DBH: variants seen among roughly 807,000 people sequenced by gnomAD.
DBH encodes dopamine beta-hydroxylase (dopamine beta-monooxygenase).
DBH carries 49 observed loss-of-function variants against 64.0 expected under a neutral mutation model. The observed-to-expected ratio is 0.77, with a 90% confidence interval of 0.61 to 0.97. The LOEUF (loss-of-function observed/expected upper bound fraction) is 0.97. Ranked by LOEUF, DBH falls within the 50% of genes least tolerant of loss-of-function variation. The pLI is 0.00. For missense variants in DBH, 828 were observed against 826.6 expected (o/e 1.00, Z -0.02); for synonymous variants, 343 against 347.1 (o/e 0.99, Z 0.13).
chr9:133,656,719 G>T, intron 10 of DBH, 69 bp downstream of exon 10: 1 of 1,590,580 alleles, frequency 6.3e-7, no homozygotes, highest in Admixed American at 1.7e-5. Context: ...CCTGTTAGGC[G>T]GCTGGGCAGA....
intron 6 of DBH, among the ~76,000 whole-genome samples, chr9:133,650,930 A>G (rs1011282634): frequency 1.3e-5 from 2 of 152,246 alleles, no homozygotes; most frequent in Non-Finnish European, 2.9e-5. Context: ...CTCATGCCCC[A>G]GTGATGGCAT....
intron 6 of DBH, 135 bp downstream of exon 6, chr9:133,648,147 C>T (rs1201696593): frequency 1.0e-5 from 11 of 1,060,392 alleles, no homozygotes; most frequent in Non-Finnish European, 1.5e-5. Context: ...CTGCGGTCCT[C>T]CCTCTTTTCT....
In DBH at chr9:133,639,952, G is replaced by T. The variant is rs563040838; in HGVS notation, c.446G>T (p.Arg149Met). The part of the protein sequence containing the change: ...TPEGLTLLFK[R>M]PFGTCDPKDY... ...GAAGGCCTGACCCTGCTTTTCAAGAGGCCCTTTGGCACCTGCGACCCCAAG... is the reference window on the plus strand; with the variant it reads ...GAAGGCCTGACCCTGCTTTTCAAGATGCCCTTTGGCACCTGCGACCCCAAG... Residue 149 changes from arginine (R) to methionine (M), a missense_variant, in exon 2 of 12, where the codon AGG becomes ATG. By Grantham distance (91) the Arg-to-Met change is moderately conservative. Transcript: ENST00000393056. The T allele has an allele frequency of 1.9e-6, 3 of 1,613,930 alleles. No homozygotes were observed. The African/African-American group carries it at 4.0e-5, about 22-fold the overall frequency.
chr9:133,639,753 G>C, intron 1 of DBH, 93 bp from the exon 2 acceptor site: 1 of 1,386,648 alleles, frequency 7.2e-7, no homozygotes, highest in Non-Finnish European at 9.9e-7. Context: ...AGCTGGCAAT[G>C]AATGCGGAGC....
chr9:133,642,081 T>C (rs577913160), intron 2 of DBH, 126 bp from the exon 3 acceptor site: 2 of 1,348,556 alleles, frequency 1.5e-6, no homozygotes, highest in East Asian at 2.4e-5. Context: ...GGGTCCCTTA[T>C]TCACAGAGAT....
At position 133,656,799 on chromosome 9, in the gene DBH, G is replaced by A. The variant is rs1015555923; in HGVS notation, c.1562+149G>A. ...GCATCACTCACCCCTCCCCTCACTCGTTTCCTGCTGAGTCTGGATTTGGCT... is the reference window on the plus strand; with the variant it reads ...GCATCACTCACCCCTCCCCTCACTCATTTCCTGCTGAGTCTGGATTTGGCT... On this transcript the variant is annotated intron_variant, in intron 10 of 11. Transcript: ENST00000393056. 1.2e-5 allele frequency: 13 copies of A among 1,122,646 alleles called. No homozygotes were observed. The Admixed American group carries it at 1.6e-4, about 14-fold the overall frequency. The allele number at this position is 1,122,646 out of a possible 1,614,324, so 69.5% of individuals were successfully genotyped here.
Position 133,642,465 on chromosome 9 carries a change from G to A in DBH, c.744+1G>A, listed in dbSNP as rs1213690107. Reference sequence around the variant, plus strand: ...CTTCTCTCGGCACCACATTATCAAGGTACGTGCGGGTCCAGGGCCGAGGTC... The same window carrying A: ...CTTCTCTCGGCACCACATTATCAAGATACGTGCGGGTCCAGGGCCGAGGTC... On this transcript the variant is annotated splice_donor_variant, in intron 3 of 11. Coordinates refer to ENST00000393056, the MANE Select transcript of DBH (RefSeq NM_000787.4). LOFTEE classifies it high-confidence loss of function. 2 of 1,604,928 alleles carry A rather than the reference G, an allele frequency of 1.2e-6. No individual in the cohort carries two copies. The highest frequency in any genetic ancestry group is 1.7e-5 in the Admixed American group (1 of 58,598).
intron 2 of DBH, among the ~76,000 whole-genome samples, chr9:133,640,565 C>A (rs962472833): frequency 2.0e-5 from 3 of 152,258 alleles, no homozygotes; most frequent in Admixed American, 6.5e-5. Context: ...GCCCCCCAAC[C>A]TCTTAGGGAA....
chr9:133,653,420 C>CT (rs1471050593), intron 9 of DBH, among the ~76,000 whole-genome samples: 4 of 152,134 alleles, frequency 2.6e-5, no homozygotes, highest in Non-Finnish European at 5.9e-5. Context: ...GCACCTGCTG[C>CT]TAACAACAAG....
Position 133,638,736 on chromosome 9 carries a change from A to G in DBH, c.340-1110A>G, listed in dbSNP as rs560966300. ...GGCAGGACAGGTGTAAACAACTCTG[A>G]CCATCTGTTTGAGCCTTCAATCAAT... On this transcript the variant is annotated intron_variant, in intron 1 of 11. Transcript: ENST00000393056. Among the ~76,000 whole-genome samples, 17 of 152,270 alleles carry G rather than the reference A, an allele frequency of 1.1e-4. No individual in the cohort carries two copies. In the South Asian group the frequency reaches 3.1e-3, roughly 28 times the overall value.
Position 133,636,812 on chromosome 9 carries a change from G to C in DBH, c.339+102G>C, listed in dbSNP as rs13293282. 3,792 of 1,136,926 alleles carry C rather than the reference G, an allele frequency of 3.3e-3. 20 individuals carry two copies. The highest frequency in any genetic ancestry group is 3.0e-3 in the Non-Finnish European group (2,316 of 782,010). The allele number at this position is 1,136,926 out of a possible 1,614,324, so 70.4% of individuals were successfully genotyped here. A position where few individuals can be genotyped will look rare whatever the true frequency, so the allele number is the denominator to read the frequency against. On this transcript the variant is annotated intron_variant, in intron 1 of 11. Coordinates refer to ENST00000393056, the MANE Select transcript of DBH (RefSeq NM_000787.4). ...CCTCCTTAACCCAGAAAGTTCTTCT[G>C]TCACCTGTCAGTGTTTGAGTTGACT...
chr9:133,639,757 G>GCGGAGC, intron 1 of DBH, 89 bp from the exon 2 acceptor site: 7 of 1,411,094 alleles, frequency 5.0e-6, no homozygotes, highest in Non-Finnish European at 6.8e-6. Flanking sequence ...GGCAATGAAT[G>GCGGAGC]CGGAGCTCTG....
intron 2 of DBH, 103 bp from the exon 3 acceptor site, chr9:133,642,104 T>C: frequency 6.8e-7 from 1 of 1,475,562 alleles, no homozygotes; most frequent in Non-Finnish European, 9.3e-7. Flanking sequence ...GAGTGAGGTG[T>C]GTCACCTGGT....
intron 9 of DBH, chr9:133,655,626 ATAGAG>A (rs1832307327): frequency 6.6e-6 from 1 of 152,478 alleles, no homozygotes; most frequent in Non-Finnish European, 1.5e-5. Flanking sequence ...TTGTTCTGCC[ATAGAG>A]TAAAGATTGC....
intron 6 of DBH, among the ~76,000 whole-genome samples, chr9:133,651,112 T>A (rs1832243156): frequency 6.6e-6 from 1 of 152,224 alleles, no homozygotes; most frequent in Non-Finnish European, 1.5e-5. Flanking sequence ...ACAGGGAGAA[T>A]GCAGCCTTGG....
chr9:133,638,483 G>A (rs1832077496), intron 1 of DBH, among the ~76,000 whole-genome samples: 1 of 152,210 alleles, frequency 6.6e-6, no homozygotes, highest in African/African-American at 2.4e-5. Flanking sequence ...GGTTTCCATG[G>A]GAAAGGCCAG....
At chr9:133,638,570 T>C (rs1407408625) in intron 1 of DBH, among the ~76,000 whole-genome samples, 1 of 152,152 alleles carries the variant, frequency 6.6e-6, no homozygotes, top group Non-Finnish European at 1.5e-5. Flanking sequence ...GTTGCCTGGT[T>C]CCTGGCCCTA....
chr9:133,650,590 C>T (rs1321726390), intron 6 of DBH, among the ~76,000 whole-genome samples: 54 of 144,876 alleles, frequency 3.7e-4, no homozygotes, highest in African/African-American at 1.4e-3. Context: ...TCCTGTTGCC[C>T]AGGCTGCAGT....
At chr9:133,647,762 G>T in intron 5 of DBH, 84 bp from the exon 6 acceptor site, 1 of 1,549,536 alleles carries the variant, frequency 6.5e-7, no homozygotes, top group South Asian at 1.2e-5. Flanking sequence ...AGGGTGGCTG[G>T]GGTCATAGGG....
Sources: gnomAD v4.1 joint callset for allele counts (sites outside exome capture counted in the v4.1 genomes callset) on GRCh38, gnomAD v4.1.1 for gene constraint, MANE v1.5 for transcripts, NCBI Gene and HGNC (gene_info 2026-07-23, HGNC 2026-07-21) for gene names.